Variants in PAN3 observed in about 807,000 individuals in gnomAD.
PAN3 encodes the protein PAN2-PAN3 deadenylation complex subunit PAN3.
PAN3 carries 19 observed loss-of-function variants against 96.2 expected under a neutral mutation model. The observed-to-expected ratio is 0.20, with a 90% CI of 0.14 to 0.29. PAN3 has a LOEUF of 0.29. Among genes scored for constraint, PAN3 ranks in the 10% least tolerant of loss-of-function variants. The pLI is 1.00. For synonymous variants in PAN3, 433 were observed against 406.6 expected, an observed-to-expected ratio of 1.06 and a Z score of -0.78; for missense variants, 882 against 1,108.1, an observed-to-expected ratio of 0.80 and a Z score of 2.90.
At chr13:28,285,434 T>C (rs78867404) in intron 17 of PAN3, among the ~76,000 whole-genome samples, 2,851 of 152,022 alleles carry the variant, frequency 0.019, 99 homozygotes, top group African/African-American at 0.065. Flanking sequence ...AGCTTTTGGG[T>C]TTTGTTTGTT....
At chr13:28,277,170 G>T in intron 14 of PAN3, 67 bp from the exon 15 acceptor site, 1 of 1,441,720 alleles carries the variant, frequency 6.9e-7, no homozygotes, top group Non-Finnish European at 9.5e-7. Context: ...TTAGGCAGTA[G>T]TGTCAGTGTA....
chr13:28,175,357 C>G (rs1375733332), intron 2 of PAN3, among the ~76,000 whole-genome samples: 1 of 152,228 alleles, frequency 6.6e-6, no homozygotes, highest in Non-Finnish European at 1.5e-5. Context: ...CAATACTCCT[C>G]TCTTGCCTCA....
intron 6 of PAN3, among the ~76,000 whole-genome samples, chr13:28,254,278 C>A (rs1002232234): frequency 2.0e-5 from 3 of 152,134 alleles, no homozygotes; most frequent in Non-Finnish European, 4.4e-5. Flanking sequence ...TTATTTTGAT[C>A]TTTTAAGTTA....
At chr13:28,245,280 T>C (rs1391068670) in intron 6 of PAN3, among the ~76,000 whole-genome samples, 1 of 152,222 alleles carries the variant, frequency 6.6e-6, no homozygotes, top group African/African-American at 2.4e-5. Flanking sequence ...TAATCTGTTA[T>C]TTCTGTCAGT....
chr13:28,253,377 CCT>C (rs1367795521), intron 6 of PAN3, among the ~76,000 whole-genome samples: 1 of 152,098 alleles, frequency 6.6e-6, no homozygotes, highest in Non-Finnish European at 1.5e-5. Flanking sequence ...ATACAGAATA[CCT>C]CTCTCCAAGT....
intron 6 of PAN3, among the ~76,000 whole-genome samples, chr13:28,249,027 T>A (rs544528198): frequency 1.5e-4 from 23 of 152,352 alleles, no homozygotes; most frequent in African/African-American, 4.1e-4. Flanking sequence ...TTTTGTGAGT[T>A]GCCTATTCAC....
rs1232000117 is a variant in PAN3 at position 28,292,621 on chromosome 13, A to G, written c.*99A>G. The G allele has an allele frequency of 7.9e-7, 1 of 1,268,956 alleles. No homozygotes were observed. Among genetic ancestry groups the G allele is most frequent in the East Asian group, 2.5e-5 (1 of 39,830 alleles). The allele number at this position is 1,268,956 out of a possible 1,614,324, so 78.6% of individuals were successfully genotyped here. ...TCATCATCTCATTCACATTTGGGAA[A>G]CGAACAGGAGATGAGCAAAGCTGCT... On this transcript the variant is annotated 3_prime_UTR_variant, in exon 19 of 19. Transcript: ENST00000380958.
intron 4 of PAN3, among the ~76,000 whole-genome samples, chr13:28,195,368 C>T (rs1034144998): frequency 6.6e-6 from 1 of 152,162 alleles, no homozygotes; most frequent in African/African-American, 2.4e-5. Context: ...TGTACCACTG[C>T]ATTCCAGCCT....
chr13:28,256,655 T>C (rs1440442803), intron 7 of PAN3, 116 bp downstream of exon 7: 1 of 1,147,912 alleles, frequency 8.7e-7, no homozygotes, highest in Non-Finnish European at 1.2e-6. Flanking sequence ...AGTATTTCAT[T>C]TTCTAACTTA....
chr13:28,140,872 T>C (rs1869675250), intron 1 of PAN3, among the ~76,000 whole-genome samples: 1 of 152,218 alleles, frequency 6.6e-6, no homozygotes, highest in African/African-American at 2.4e-5. Flanking sequence ...TGGAATTTTA[T>C]CACTTTCGAG....
chr13:28,179,856 CTGACATTTACTTT>C (rs1290952243), intron 4 of PAN3, among the ~76,000 whole-genome samples: 1 of 151,882 alleles, frequency 6.6e-6, no homozygotes, highest in African/African-American at 2.4e-5. Context: ...TTTAGAGCTC[CTGACATTTACTTT>C]TGAGAAAATA....
chr13:28,158,684 C>G (rs546144058), intron 1 of PAN3, among the ~76,000 whole-genome samples: 3 of 152,126 alleles, frequency 2.0e-5, no homozygotes, highest in Admixed American at 6.5e-5. Flanking sequence ...CAAGACCATC[C>G]TGGCTAACAC....
At chr13:28,257,751 T>C (rs1396372165) in intron 7 of PAN3, among the ~76,000 whole-genome samples, 2 of 134,030 alleles carry the variant, frequency 1.5e-5, no homozygotes, top group Non-Finnish European at 3.2e-5. Flanking sequence ...ATATATAATA[T>C]ATAATTAATT....
intron 1 of PAN3, among the ~76,000 whole-genome samples, chr13:28,144,526 GT>G (rs1338007402): frequency 3.3e-5 from 5 of 151,706 alleles, no homozygotes; most frequent in Non-Finnish European, 5.9e-5. Flanking sequence ...GTTTCGATAA[GT>G]TTTATGAGGA....
chr13:28,272,572 CTTT>C (rs1320004749), intron 14 of PAN3, among the ~76,000 whole-genome samples: 2 of 143,118 alleles, frequency 1.4e-5, no homozygotes. Context: ...GTCAGAGACT[CTTT>C]TTTTTTTTTT....
chr13:28,263,160 G>C (rs146611619), intron 9 of PAN3, among the ~76,000 whole-genome samples: 1 of 152,250 alleles, frequency 6.6e-6, no homozygotes, highest in East Asian at 1.9e-4. Context: ...TGTGTATTAG[G>C]GAAGGAGAGG....
chr13:28,247,392 CACT>C lies in PAN3; in HGVS notation c.1001-8899_1001-8897del, dbSNP rs1179057735. Among the ~76,000 whole-genome samples the C allele has an allele frequency of 4.6e-5, 7 of 152,096 alleles. No homozygotes were observed. In the South Asian group the frequency reaches 1.5e-3, roughly 32 times the overall value. ...ATTCTCTCTTTCTGCAGATTGTCTT[CACT>C]TTGTTGATTGTTTCTTTTGCGGTGC... On this transcript the variant is annotated intron_variant, in intron 6 of 18. Coordinates refer to ENST00000380958, the MANE Select transcript of PAN3 (RefSeq NM_175854.8).
chr13:28,254,361 G>T (rs1404974355), intron 6 of PAN3, among the ~76,000 whole-genome samples: 1 of 152,212 alleles, frequency 6.6e-6, no homozygotes, highest in Non-Finnish European at 1.5e-5. Context: ...ATTGATGGAT[G>T]TGGAGCACTT....
intron 6 of PAN3, among the ~76,000 whole-genome samples, chr13:28,252,474 G>A (rs369211045): frequency 6.6e-6 from 1 of 151,740 alleles, no homozygotes; most frequent in East Asian, 1.9e-4. Context: ...AAATAGAATT[G>A]TGTTATCCAA....
Sources: allele counts gnomAD v4.1 joint callset (sites outside exome capture counted in the v4.1 genomes callset), GRCh38; gene constraint gnomAD v4.1.1; transcripts MANE v1.5; gene names NCBI Gene and HGNC (gene_info 2026-07-23, HGNC 2026-07-21).